The following DLC1 variants were observed in gnomAD, a reference collection of about 807,000 sequenced individuals.
DLC1 encodes the protein DLC1 Rho GTPase activating protein.
A neutral mutation model predicts 140.3 loss-of-function variants in DLC1; 54 were observed. The ratio of observed to expected loss-of-function variants is 0.38; its 90% CI spans 0.31 to 0.48. The LOEUF (loss-of-function observed/expected upper bound fraction) is 0.48, where lower values mean the gene tolerates loss of function less well. DLC1 is among the 20% of genes least tolerant of loss of function. The pLI is 0.96. For missense variants in DLC1, 2,536 were observed against 1,907.0 expected (o/e 1.33, Z -6.14); for synonymous variants, 986 against 728.1 (o/e 1.35, Z -5.70).
chr8:13,504,958 A>G (rs1801988997), intron 1 of DLC1, among the ~76,000 whole-genome samples: 1 of 152,164 alleles, frequency 6.6e-6, no homozygotes, highest in South Asian at 2.1e-4. Context: ...CATAACTCCT[A>G]AAGTTGTCTC....
intron 4 of DLC1, among the ~76,000 whole-genome samples, chr8:13,355,070 A>G (rs1834864124): frequency 6.6e-6 from 1 of 151,992 alleles, no homozygotes. Flanking sequence ...TTACTGCACT[A>G]TCAATTAAAA....
At chr8:13,193,153 C>G (rs1826857305) in intron 5 of DLC1, among the ~76,000 whole-genome samples, 1 of 152,140 alleles carries the variant, frequency 6.6e-6, no homozygotes, top group South Asian at 2.1e-4. Flanking sequence ...ACACTGACAC[C>G]TATTGACTGT....
intron 5 of DLC1, among the ~76,000 whole-genome samples, chr8:13,219,602 C>T (rs1828443128): frequency 6.6e-6 from 1 of 151,554 alleles, no homozygotes; most frequent in Non-Finnish European, 1.5e-5. Flanking sequence ...AGCCCACCTT[C>T]TTCAAAAAAG....
intron 5 of DLC1, among the ~76,000 whole-genome samples, chr8:13,221,109 A>T (rs1425926104): frequency 6.6e-6 from 1 of 152,186 alleles, no homozygotes; most frequent in Non-Finnish European, 1.5e-5. Flanking sequence ...CTTTCAACTC[A>T]TTGGGTTTTC....
intron 5 of DLC1, among the ~76,000 whole-genome samples, chr8:13,290,098 A>G (rs775846093): frequency 1.8e-4 from 28 of 152,150 alleles, no homozygotes; most frequent in African/African-American, 5.6e-4. Context: ...TACATATTCA[A>G]AAATAGTTTT....
At chr8:13,525,455 G>A (rs761344865) in intron 1 of DLC1, among the ~76,000 whole-genome samples, 3 of 152,202 alleles carry the variant, frequency 2.0e-5, no homozygotes, top group Non-Finnish European at 2.9e-5. Flanking sequence ...TACCACCACC[G>A]ATTTCTAAGA....
chr8:13,156,819 A>C (rs1824292189), intron 5 of DLC1, among the ~76,000 whole-genome samples: 1 of 152,210 alleles, frequency 6.6e-6, no homozygotes, highest in African/African-American at 2.4e-5. Context: ...TCCAGGGGCA[A>C]CCCTATGCTT....
At chr8:13,382,233 C>T (rs535525184) in intron 4 of DLC1, among the ~76,000 whole-genome samples, 5 of 152,018 alleles carry the variant, frequency 3.3e-5, no homozygotes, top group East Asian at 3.9e-4. Context: ...GGAGGCCGGG[C>T]GCGGTGGCTC....
intron 2 of DLC1, among the ~76,000 whole-genome samples, chr8:13,478,039 C>T (rs559097986): frequency 2.3e-4 from 35 of 152,180 alleles, no homozygotes; most frequent in Middle Eastern, 3.4e-3. Flanking sequence ...CAGAGAACAC[C>T]GTCCATGTAT....
chr8:13,516,714 A>C (rs2117274248), upstream of DLC1, among the ~76,000 whole-genome samples: 1 of 152,344 alleles, frequency 6.6e-6, no homozygotes, highest in South Asian at 2.1e-4. Flanking sequence ...GCCAAGAAAG[A>C]AGTCTGTTCT....
intron 2 of DLC1, among the ~76,000 whole-genome samples, chr8:13,473,257 T>G (rs1304439488): frequency 6.6e-6 from 1 of 152,144 alleles, no homozygotes; most frequent in Non-Finnish European, 1.5e-5. Flanking sequence ...CCAAATCTCA[T>G]GTTTAATTCC....
chr8:13,117,450 C>G (rs1254605064), intron 5 of DLC1, among the ~76,000 whole-genome samples: 1 of 152,078 alleles, frequency 6.6e-6, no homozygotes, highest in Admixed American at 6.5e-5. Context: ...CACACACCAG[C>G]CTGGGCAACA....
intron 5 of DLC1, among the ~76,000 whole-genome samples, chr8:13,286,304 TG>T (rs1187541011): frequency 6.6e-6 from 1 of 152,142 alleles, no homozygotes; most frequent in African/African-American, 2.4e-5. Flanking sequence ...AAAAAATTGC[TG>T]TTTAAGGAAT....
chr8:13,137,044 C>G (rs984670660), intron 5 of DLC1, among the ~76,000 whole-genome samples: 1 of 152,156 alleles, frequency 6.6e-6, no homozygotes, highest in African/African-American at 2.4e-5. Context: ...ACATGAAATC[C>G]TATTTAAATC....
chr8:13,437,845 C>A (rs1360879723), intron 2 of DLC1, among the ~76,000 whole-genome samples: 1 of 152,068 alleles, frequency 6.6e-6, no homozygotes, highest in Admixed American at 6.6e-5. Context: ...CTTGAGATCT[C>A]TAAAGGCCAT....
At chr8:13,445,755 C>G (rs1371694203) in intron 2 of DLC1, among the ~76,000 whole-genome samples, 3 of 152,098 alleles carry the variant, frequency 2.0e-5, no homozygotes, top group Admixed American at 1.3e-4. Flanking sequence ...CAAAAGTAAC[C>G]CAGACATCTC....
At chr8:13,153,688 A>G (rs143865583) in intron 5 of DLC1, among the ~76,000 whole-genome samples, 1,820 of 152,256 alleles carry the variant, frequency 0.012, 41 homozygotes, top group African/African-American at 0.039. Flanking sequence ...TCCTTTAGCT[A>G]GAGGTAAAAG....
At chr8:13,369,870 T>G (rs1421826390) in intron 4 of DLC1, among the ~76,000 whole-genome samples, 1 of 150,356 alleles carries the variant, frequency 6.7e-6, no homozygotes. Context: ...TCCCCTGGCT[T>G]CTCATCTCAC....
rs773818260 is a variant in DLC1 at position 13,425,533 on chromosome 8, C to T, written c.1024-23914G>A. ...CTCTATCAGTCTCATTTAAAGAAATCCCTGGGAGGCAGAGAGACTGTATTT... is the reference window on the plus strand; with the variant it reads ...CTCTATCAGTCTCATTTAAAGAAATTCCTGGGAGGCAGAGAGACTGTATTT... On this transcript the variant is annotated intron_variant, in intron 2 of 17. Coordinates refer to ENST00000276297, the MANE Select transcript of DLC1 (RefSeq NM_182643.3). Among the ~76,000 whole-genome samples, 4 of 152,192 alleles carry T rather than the reference C, an allele frequency of 2.6e-5. No homozygotes were observed. The South Asian group carries it at 6.2e-4, about 24-fold the overall frequency.
Sources: gnomAD v4.1 joint callset for allele counts (sites outside exome capture counted in the v4.1 genomes callset) on GRCh38, gnomAD v4.1.1 for gene constraint, MANE v1.5 for transcripts, NCBI Gene and HGNC (gene_info 2026-07-23, HGNC 2026-07-21) for gene names.